The following HECW2 variants were observed in gnomAD, a reference collection of about 807,000 sequenced individuals.
HECW2 encodes the protein E3 ubiquitin-protein ligase HECW2.
Under a neutral mutation model 175.2 loss-of-function variants are expected in HECW2, and 61 were observed. That is an observed-to-expected ratio of 0.35 (90% confidence interval 0.28 to 0.43). The LOEUF is 0.43. Ranked by LOEUF, HECW2 falls within the 20% of genes least tolerant of loss-of-function variation. The probability of loss-of-function intolerance (pLI) is 1.00; values close to 1 mark genes in which losing one functional copy is unlikely to be tolerated. For synonymous variants in HECW2, 671 were observed against 731.0 expected (o/e 0.92, Z 1.32); for missense variants, 1,524 against 2,000.5 (o/e 0.76, Z 4.54).
At position 196,399,645 on chromosome 2, in the gene HECW2, G is replaced by C. The variant is rs140803120; in HGVS notation, c.292+33487C>G. 5.4e-3 allele frequency among the ~76,000 whole-genome samples: 821 copies of C among 152,300 alleles called. 8 individuals carry two copies. Among genetic ancestry groups the C allele is most frequent in the Middle Eastern group, 0.027 (8 of 294 alleles). ...ATAACCTGCCCAAGCTGAAGCCACT[G>C]TAGTAGGTAACAAAAACAAAAGTGG... is the stretch of plus-strand genomic sequence containing the variant. On this transcript the variant is annotated intron_variant, in intron 2 of 28. Coordinates refer to ENST00000644978, the MANE Select transcript of HECW2 (RefSeq NM_001348768.2).
intron 2 of HECW2, among the ~76,000 whole-genome samples, chr2:196,390,845 C>G (rs543172486): frequency 6.6e-6 from 1 of 152,154 alleles, no homozygotes. Flanking sequence ...GGGCTACGTA[C>G]TTAGACACAA....
intron 1 of HECW2, among the ~76,000 whole-genome samples, chr2:196,567,035 T>G (rs1690214203): frequency 6.6e-6 from 1 of 152,156 alleles, no homozygotes; most frequent in African/African-American, 2.4e-5. Context: ...TGCCTGCCCC[T>G]GACTGAGTGC....
chr2:196,376,080 G>A (rs1694043529), intron 2 of HECW2, among the ~76,000 whole-genome samples: 1 of 152,122 alleles, frequency 6.6e-6, no homozygotes, highest in South Asian at 2.1e-4. Context: ...GGTGGGAAGG[G>A]CACAATACAT....
At chr2:196,394,981 C>G (rs918550562) in intron 2 of HECW2, among the ~76,000 whole-genome samples, 3 of 152,132 alleles carry the variant, frequency 2.0e-5, no homozygotes, top group African/African-American at 7.2e-5. Flanking sequence ...ATAAATAATG[C>G]CTTTTATGTG....
chr2:196,521,207 G>A (rs548022267), intron 1 of HECW2, among the ~76,000 whole-genome samples: 32 of 141,638 alleles, frequency 2.3e-4, no homozygotes, highest in Non-Finnish European at 2.7e-4. Context: ...TCACACCCAG[G>A]ATCATTACTT....
chr2:196,458,560 A>G (rs979231972), intron 1 of HECW2, among the ~76,000 whole-genome samples: 2 of 152,140 alleles, frequency 1.3e-5, no homozygotes, highest in African/African-American at 4.8e-5. Flanking sequence ...AAACTGTGAA[A>G]CCAGATGATA....
intron 10 of HECW2, among the ~76,000 whole-genome samples, chr2:196,310,978 T>C (rs935688840): frequency 3.3e-5 from 5 of 152,196 alleles, no homozygotes; most frequent in Non-Finnish European, 7.3e-5. Context: ...ATTATGCCCA[T>C]TTTATTATAT....
chr2:196,308,453 C>A (rs1553496964), intron 10 of HECW2, among the ~76,000 whole-genome samples: 1 of 151,932 alleles, frequency 6.6e-6, no homozygotes, highest in Admixed American at 6.6e-5. Flanking sequence ...TTATTTTCAC[C>A]AAAAAAACCT....
intron 1 of HECW2, among the ~76,000 whole-genome samples, chr2:196,557,645 A>C (rs1689850684): frequency 1.3e-5 from 2 of 152,224 alleles, no homozygotes; most frequent in South Asian, 2.1e-4. Context: ...TAGAGGAAAC[A>C]AGTTTTAGGG....
intron 19 of HECW2, among the ~76,000 whole-genome samples, chr2:196,253,348 T>C (rs1688928752): frequency 6.6e-6 from 1 of 152,242 alleles, no homozygotes; most frequent in African/African-American, 2.4e-5. Context: ...CCAAGCTGCA[T>C]TTCCTACCAT....
chr2:196,357,101 G>A (rs1379825750), intron 2 of HECW2, among the ~76,000 whole-genome samples: 2 of 152,210 alleles, frequency 1.3e-5, no homozygotes, highest in Non-Finnish European at 2.9e-5. Context: ...AGATAACTCT[G>A]GCTGCTGTGT....
At chr2:196,205,258 T>TC (rs1687027058) in intron 28 of HECW2, among the ~76,000 whole-genome samples, 1 of 152,132 alleles carries the variant, frequency 6.6e-6, no homozygotes, top group African/African-American at 2.4e-5. Context: ...CAAAGCTGAG[T>TC]CAGTGGCCAA....
chr2:196,473,443 T>C (rs1270807268), intron 1 of HECW2, among the ~76,000 whole-genome samples: 1 of 152,182 alleles, frequency 6.6e-6, no homozygotes, highest in Non-Finnish European at 1.5e-5. Context: ...GTGCAAGGTC[T>C]AAAAAGTTTA....
At chr2:196,460,486 CTT>C (rs3082153) in intron 1 of HECW2, among the ~76,000 whole-genome samples, 17,643 of 142,770 alleles carry the variant, frequency 0.12, 1,531 homozygotes, top group African/African-American at 0.25. Flanking sequence ...CCGATTAAAC[CTT>C]TTTTTTTTTT....
intron 2 of HECW2, among the ~76,000 whole-genome samples, chr2:196,399,801 A>G (rs1407619940): frequency 1.3e-5 from 2 of 152,348 alleles, no homozygotes; most frequent in East Asian, 1.9e-4. Flanking sequence ...ATTATAAGCA[A>G]GTATTAACGT....
chr2:196,418,501 G>A (rs972592604), intron 2 of HECW2, among the ~76,000 whole-genome samples: 25 of 151,946 alleles, frequency 1.6e-4, no homozygotes, highest in Admixed American at 4.6e-4. Context: ...TAACTATATC[G>A]CAAATATACT....
Position 196,257,855 on chromosome 2 carries a change from A to C in HECW2, c.3387T>G (p.Leu1129=). 1 of 1,614,134 alleles carries C rather than the reference A, an allele frequency of 6.2e-7. No individual in the cohort carries two copies. The highest frequency in any genetic ancestry group is 8.5e-7 in the Non-Finnish European group (1 of 1,179,968). Residue 1129 remains leucine (L), a synonymous_variant, in exon 18 of 29, where the codon CTT becomes CTG. Transcript: ENST00000644978. ...ACATAACAAGGTCTGCATCGCTTGA[A>C]AGGCGCACCAATCCTGGAGTCCCTT... is the stretch of plus-strand genomic sequence containing the variant. The part of the protein sequence containing the change: ...RTEGTPGLVR[L]SSDADLVMLL...
At position 196,419,306 on chromosome 2, in the gene HECW2, G is replaced by C. The variant is rs534465170; in HGVS notation, c.292+13826C>G. Among the ~76,000 whole-genome samples, 18 of 152,318 alleles carry C rather than the reference G, an allele frequency of 1.2e-4. 2 individuals carry two copies. The South Asian group carries it at 3.7e-3, about 32-fold the overall frequency. On this transcript the variant is annotated intron_variant, in intron 2 of 28. Coordinates refer to ENST00000644978, the MANE Select transcript of HECW2 (RefSeq NM_001348768.2). ...TGAATCCTCACTTAAAAGATACACG[G>C]AATTCAGACAGAAAAAGGGAAAGGA...
chr2:196,312,630 T>C (rs574822896), intron 10 of HECW2, among the ~76,000 whole-genome samples: 2 of 152,316 alleles, frequency 1.3e-5, no homozygotes, highest in South Asian at 2.1e-4. Context: ...AGGGGACTTC[T>C]AGAATGCTGA....
Sources: allele counts gnomAD v4.1 joint callset (sites outside exome capture counted in the v4.1 genomes callset), GRCh38; gene constraint gnomAD v4.1.1; transcripts MANE v1.5; gene names NCBI Gene and HGNC (gene_info 2026-07-23, HGNC 2026-07-21).